The following PDGFD variants were observed in gnomAD, a reference collection of about 807,000 sequenced individuals.
PDGFD encodes the protein platelet derived growth factor D, also known as platelet-derived growth factor D.
Under a neutral mutation model 44.7 loss-of-function variants are expected in PDGFD, and 30 were observed. That is an observed-to-expected ratio of 0.67 (90% CI 0.50 to 0.91). The LOEUF is 0.91. Among genes scored for constraint, PDGFD ranks in the 40% least tolerant of loss-of-function variants. The probability of loss-of-function intolerance (pLI) is 0.00; values close to 1 mark genes in which losing one functional copy is unlikely to be tolerated. For synonymous variants in PDGFD, 173 were observed against 168.4 expected (o/e 1.03, Z -0.21); for missense variants, 445 against 457.8 (o/e 0.97, Z 0.25).
chr11:103,922,107 C>G (rs1028235480), intron 6 of PDGFD, among the ~76,000 whole-genome samples: 1 of 152,094 alleles, frequency 6.6e-6, no homozygotes, highest in South Asian at 2.1e-4. Context: ...TTGATGCTTC[C>G]TATGTTTTTG....
chr11:104,022,665 A>G (rs1416809206), intron 1 of PDGFD, among the ~76,000 whole-genome samples: 1 of 152,050 alleles, frequency 6.6e-6, no homozygotes, highest in East Asian at 1.9e-4. Context: ...TTTAGTATAT[A>G]TATTTGAACC....
intron 3 of PDGFD, 95 bp downstream of exon 3, chr11:103,995,970 T>C: frequency 1.8e-6 from 2 of 1,093,386 alleles, no homozygotes; most frequent in East Asian, 2.4e-5. Context: ...CTAATAAAGT[T>C]CACTCACCCT....
intron 1 of PDGFD, among the ~76,000 whole-genome samples, chr11:104,061,609 TTGTTTGTTTTC>T (rs1452737424): frequency 6.6e-6 from 1 of 152,212 alleles, no homozygotes; most frequent in Non-Finnish European, 1.5e-5. Flanking sequence ...TTTCTGTTTT[TTGTTTGTTTTC>T]TGTTTCTTTG....
intron 1 of PDGFD, among the ~76,000 whole-genome samples, chr11:104,104,229 G>T (rs1023937813): frequency 6.6e-5 from 10 of 152,114 alleles, no homozygotes; most frequent in Non-Finnish European, 1.3e-4. Flanking sequence ...TTGAGTTATT[G>T]CAAAAGGGTC....
At chr11:104,040,777 CACAA>C (rs1417063358) in intron 1 of PDGFD, among the ~76,000 whole-genome samples, 1 of 151,964 alleles carries the variant, frequency 6.6e-6, no homozygotes, top group Non-Finnish European at 1.5e-5. Flanking sequence ...ACTATACACA[CACAA>C]ACACAGATAT....
chr11:103,959,683 T>C (rs1858908115), intron 3 of PDGFD, among the ~76,000 whole-genome samples: 1 of 152,144 alleles, frequency 6.6e-6, no homozygotes, highest in South Asian at 2.1e-4. Flanking sequence ...CAGGTTTTCA[T>C]AAATTCCTAA....
At chr11:103,951,060 T>G (rs1858748798) in intron 3 of PDGFD, among the ~76,000 whole-genome samples, 1 of 152,186 alleles carries the variant, frequency 6.6e-6, no homozygotes, top group Non-Finnish European at 1.5e-5. Context: ...CAGTTTGAAA[T>G]TTTAATAAGA....
intron 1 of PDGFD, among the ~76,000 whole-genome samples, chr11:104,000,845 T>C (rs1239789534): frequency 6.6e-6 from 1 of 152,226 alleles, no homozygotes; most frequent in African/African-American, 2.4e-5. Flanking sequence ...CAATTCTTAC[T>C]GTATTTTCTC....
intron 3 of PDGFD, among the ~76,000 whole-genome samples, chr11:103,969,287 G>A (rs147215200): frequency 6.6e-6 from 1 of 152,178 alleles, no homozygotes; most frequent in Non-Finnish European, 1.5e-5. Flanking sequence ...CATATTTTCA[G>A]GTGGTGAACT....
intron 1 of PDGFD, among the ~76,000 whole-genome samples, chr11:104,122,448 C>G (rs1287527680): frequency 6.6e-6 from 1 of 152,026 alleles, no homozygotes; most frequent in Non-Finnish European, 1.5e-5. Flanking sequence ...CTTTTGAACC[C>G]TATGCAAATC....
intron 1 of PDGFD, among the ~76,000 whole-genome samples, chr11:104,102,624 C>A (rs1175597439): frequency 6.6e-6 from 1 of 152,168 alleles, no homozygotes; most frequent in East Asian, 1.9e-4. Context: ...AAGACACATG[C>A]ACACGTATGT....
At chr11:104,054,984 C>T (rs1183367041) in intron 1 of PDGFD, among the ~76,000 whole-genome samples, 5 of 152,184 alleles carry the variant, frequency 3.3e-5, no homozygotes, top group Admixed American at 2.0e-4. Context: ...ACTTAGAACA[C>T]ATTATGCAAG....
chr11:104,115,318 T>G (rs11226173), intron 1 of PDGFD, among the ~76,000 whole-genome samples: 19,457 of 149,552 alleles, frequency 0.13, 1,393 homozygotes, highest in East Asian at 0.29. Flanking sequence ...GGAATACTAC[T>G]ATATATAGTC....
intron 1 of PDGFD, among the ~76,000 whole-genome samples, chr11:104,142,523 G>C (rs1450151616): frequency 6.6e-6 from 1 of 151,864 alleles, no homozygotes; most frequent in East Asian, 1.9e-4. Context: ...TATCTACCTA[G>C]CATACTGCCT....
rs1381020109 is a variant in PDGFD at position 103,909,427 on chromosome 11, T to G, written c.*267A>C. The G allele has an allele frequency of 1.8e-5, 7 of 391,176 alleles. No homozygotes were observed. Among genetic ancestry groups the G allele is most frequent in the Non-Finnish European group, 3.3e-5 (7 of 211,604 alleles). The allele number at this position is 391,176 out of a possible 1,614,324, so 24.2% of individuals were successfully genotyped here. On this transcript the variant is annotated 3_prime_UTR_variant, in exon 7 of 7. Transcript: ENST00000393158. ...CATTTGATCTATATACACATAGACA[T>G]GAATATATTTCTGTGTGTGTTTGTG... is the stretch of plus-strand genomic sequence containing the variant.
intron 3 of PDGFD, among the ~76,000 whole-genome samples, chr11:103,960,530 A>G (rs1391722258): frequency 6.6e-6 from 1 of 152,212 alleles, no homozygotes; most frequent in East Asian, 1.9e-4. Flanking sequence ...GTCATTGAGC[A>G]AGGTGTTGGC....
chr11:104,131,897 T>C lies in PDGFD; in HGVS notation c.124+31907A>G, dbSNP rs12286104. 4.3e-4 allele frequency among the ~76,000 whole-genome samples: 65 copies of C among 150,360 alleles called. No individual in the cohort carries two copies. The East Asian group carries it at 0.012, about 28-fold the overall frequency. ...AGGCTGAAATTCTCATTTGCAGAAG[T>C]CTGGTAAAGAAGAGATAAAACTGAC... On this transcript the variant is annotated intron_variant, in intron 1 of 6. Transcript: ENST00000393158.
chr11:103,948,000 C>T (rs964736574), intron 3 of PDGFD, among the ~76,000 whole-genome samples: 3 of 152,142 alleles, frequency 2.0e-5, no homozygotes, highest in Non-Finnish European at 2.9e-5. Flanking sequence ...GGCTGTGTGA[C>T]CACAGACAAC....
chr11:104,042,692 T>C (rs942530240), intron 1 of PDGFD, among the ~76,000 whole-genome samples: 9 of 152,216 alleles, frequency 5.9e-5, no homozygotes, highest in African/African-American at 1.9e-4. Flanking sequence ...CGTTAATCAA[T>C]GTATTGATGC....
Sources: allele counts gnomAD v4.1 joint callset (sites outside exome capture counted in the v4.1 genomes callset), GRCh38; gene constraint gnomAD v4.1.1; transcripts MANE v1.5; gene names NCBI Gene and HGNC (gene_info 2026-07-23, HGNC 2026-07-21).